RAI1: variants seen among roughly 807,000 people sequenced by gnomAD.
RAI1 encodes the protein retinoic acid induced 1.
RAI1 carries 9 observed loss-of-function variants against 123.8 expected under a neutral mutation model. The ratio of observed to expected loss-of-function variants is 0.07; its 90% confidence interval spans 0.04 to 0.13. RAI1 has a LOEUF of 0.13. Among genes scored for constraint, RAI1 ranks in the 10% least tolerant of loss-of-function variants. The pLI, the probability that RAI1 is intolerant of heterozygous loss-of-function variation, is 1.00. For synonymous variants in RAI1, 1,231 were observed against 1,127.3 expected (o/e 1.09, Z -1.84); for missense variants, 2,256 against 2,545.8 (o/e 0.89, Z 2.45).
chr17:17,713,499 GGC>G lies in RAI1; in HGVS notation c.-148-10527_-148-10526del, dbSNP rs1915625954. Reference sequence around the variant, plus strand: ...TACTGAAAATACAAAAATTTAGCTGGGCGTGGTGATACACGCCTGTAGTCCCA... The same window carrying G: ...TACTGAAAATACAAAAATTTAGCTGGGTGGTGATACACGCCTGTAGTCCCA... On this transcript the variant is annotated intron_variant, in intron 1 of 5. Coordinates refer to ENST00000353383, the MANE Select transcript of RAI1 (RefSeq NM_030665.4). Among the ~76,000 whole-genome samples the G allele has an allele frequency of 2.0e-5, 3 of 152,090 alleles. No individual in the cohort carries two copies. The South Asian group carries it at 6.2e-4, about 32-fold the overall frequency.
intron 1 of RAI1, among the ~76,000 whole-genome samples, chr17:17,694,643 A>G (rs1398062526): frequency 6.6e-6 from 1 of 151,378 alleles, no homozygotes; most frequent in Admixed American, 6.6e-5. Context: ...GGCGCCCACC[A>G]TCTTGGCCGC....
chr17:17,699,010 G>A (rs2142882592), intron 1 of RAI1, among the ~76,000 whole-genome samples: 1 of 152,360 alleles, frequency 6.6e-6, no homozygotes, highest in East Asian at 1.9e-4. Context: ...CTTCTCTGAT[G>A]GAGACAGGGA....
At chr17:17,779,099 G>GAGAA (rs2031464502) in intron 2 of RAI1, 1 of 351,888 alleles carries the variant, frequency 2.8e-6, no homozygotes, top group Admixed American at 3.8e-5. Flanking sequence ...TCCAAAGAGA[G>GAGAA]AGAAATCAGC....
At chr17:17,743,699 T>C (rs1353425826) in intron 2 of RAI1, among the ~76,000 whole-genome samples, 1 of 152,272 alleles carries the variant, frequency 6.6e-6, no homozygotes, top group Non-Finnish European at 1.5e-5. Flanking sequence ...GCCCAGGATT[T>C]GGCTGGTTGG....
intron 2 of RAI1, among the ~76,000 whole-genome samples, chr17:17,752,585 T>C (rs1035242812): frequency 1.3e-5 from 2 of 152,236 alleles, no homozygotes; most frequent in South Asian, 2.1e-4. Flanking sequence ...TTCTTGGCCC[T>C]TGGAGTCTGA....
intron 2 of RAI1, among the ~76,000 whole-genome samples, chr17:17,725,572 A>G (rs1416391838): frequency 6.6e-6 from 1 of 152,186 alleles, no homozygotes; most frequent in Non-Finnish European, 1.5e-5. Context: ...CCCGGCACGC[A>G]GAAGCCCCCA....
chr17:17,699,633 G>GA (rs1018643537), intron 1 of RAI1, among the ~76,000 whole-genome samples: 12 of 150,554 alleles, frequency 8.0e-5, no homozygotes, highest in African/African-American at 9.8e-5. Context: ...GGGGGCCGGG[G>GA]GGGGGGGAAT....
At chr17:17,807,045 T>A (rs2032607796) in intron 4 of RAI1, among the ~76,000 whole-genome samples, 2 of 151,954 alleles carry the variant, frequency 1.3e-5, no homozygotes, top group African/African-American at 4.8e-5. Flanking sequence ...AGGCGAGGGC[T>A]CATCAGAGCC....
intron 2 of RAI1, among the ~76,000 whole-genome samples, chr17:17,738,763 G>A (rs1916522194): frequency 6.6e-6 from 1 of 152,212 alleles, no homozygotes; most frequent in Admixed American, 6.5e-5. Context: ...GGGCCAGAGA[G>A]TCTACTTGTG....
intron 2 of RAI1, among the ~76,000 whole-genome samples, chr17:17,789,269 G>A (rs192653215): frequency 1.3e-5 from 2 of 152,354 alleles, no homozygotes; most frequent in East Asian, 3.9e-4. Context: ...GTCCTAAGCA[G>A]GGCACTTGTC....
At chr17:17,748,648 A>G (rs1422241670) in intron 2 of RAI1, among the ~76,000 whole-genome samples, 1 of 152,212 alleles carries the variant, frequency 6.6e-6, no homozygotes, top group African/African-American at 2.4e-5. Context: ...AAATGATGAT[A>G]GAAAAGGTGT....
chr17:17,718,761 A>T (rs1297586526), intron 1 of RAI1, among the ~76,000 whole-genome samples: 3 of 151,912 alleles, frequency 2.0e-5, no homozygotes, highest in Non-Finnish European at 4.4e-5. Context: ...GGGGTAGATG[A>T]CCCCCTGCTG....
rs151001882 is a variant in RAI1 at position 17,808,386 on chromosome 17, ATTATTTTATT to A, written c.5660-983_5660-974del. Among the ~76,000 whole-genome samples the A allele has an allele frequency of 7.4e-3, 957 of 130,108 alleles. 25 individuals are homozygous for A. The highest frequency in any genetic ancestry group is 0.03 in the African/African-American group (896 of 30,088). The allele number at this position is 130,108 out of a possible 152,430, so 85.4% of individuals were successfully genotyped here. On this transcript the variant is annotated intron_variant, in intron 4 of 5. Transcript: ENST00000353383. ...TTTATTTTATTTTATATTTTATTTT[ATTATTTTATT>A]TTATTTTATTTTATTTTATTATTTT... is the stretch of plus-strand genomic sequence containing the variant.
Position 17,809,898 on chromosome 17 carries a change from A to T in RAI1, c.5710-72A>T. The T allele has an allele frequency of 6.5e-7, 1 of 1,547,932 alleles. No individual in the cohort carries two copies. The highest frequency in any genetic ancestry group is 1.4e-5 in the African/African-American group (1 of 73,048). On this transcript the variant is annotated intron_variant, in intron 5 of 5. Transcript: ENST00000353383. This position sits in a 1 kb window ranked among gnomAD's most constrained non-coding sequence, Gnocchi z 4.9. Reference sequence around the variant, plus strand: ...GGTCTGGGGCTTAGGCGGGGGGCCCACACTGGGGGCGGGGCCTATGGACTG... The same window carrying T: ...GGTCTGGGGCTTAGGCGGGGGGCCCTCACTGGGGGCGGGGCCTATGGACTG...
At chr17:17,689,803 C>T (rs1330627579) in intron 1 of RAI1, among the ~76,000 whole-genome samples, 1 of 152,156 alleles carries the variant, frequency 6.6e-6, no homozygotes, top group East Asian at 1.9e-4. Flanking sequence ...ATAGAAAGTG[C>T]CAGAGCATGG....
intron 1 of RAI1, among the ~76,000 whole-genome samples, chr17:17,721,435 C>T (rs950310827): frequency 1.3e-5 from 2 of 152,102 alleles, no homozygotes; most frequent in African/African-American, 4.8e-5. Context: ...AACAGCATTC[C>T]AGGCAGATGG....
rs897018472 is a variant in RAI1 at position 17,793,611 on chromosome 17, C to T, written c.663C>T (p.Thr221=). Residue 221 remains threonine, a synonymous_variant, in exon 3 of 6, where the codon ACC becomes ACT. Coordinates refer to ENST00000353383, the MANE Select transcript of RAI1 (RefSeq NM_030665.4). ...QHSQSFPTSS[T]YSSSVQGGGQ... is the part of the protein sequence containing the mutation. ...CCCAGTCCTTCCCCACCTCCTCCAC[C>T]TACTCCTCCTCTGTCCAGGGTGGTG... 8 of 1,613,382 alleles carry T rather than the reference C, an allele frequency of 5.0e-6. No individual in the cohort carries two copies. Among genetic ancestry groups the T allele is most frequent in the Non-Finnish European group, 5.9e-6 (7 of 1,179,992 alleles).
intron 1 of RAI1, among the ~76,000 whole-genome samples, chr17:17,700,764 G>A (rs1025902209): frequency 4.6e-5 from 7 of 152,098 alleles, no homozygotes; most frequent in African/African-American, 1.7e-4. Flanking sequence ...CCCTGCCTCG[G>A]CGGAGATCCG....
At chr17:17,750,689 C>CAA (rs57637022) in intron 2 of RAI1, among the ~76,000 whole-genome samples, 1,717 of 79,468 alleles carry the variant, frequency 0.022, 72 homozygotes, top group African/African-American at 0.079. Flanking sequence ...TACTCCGTCT[C>CAA]AAAAAAAAAA....
Sources: allele counts gnomAD v4.1 joint callset (sites outside exome capture counted in the v4.1 genomes callset), GRCh38; gene constraint gnomAD v4.1.1; non-coding constraint Gnocchi (gnomAD v3.1); transcripts MANE v1.5; gene names NCBI Gene and HGNC (gene_info 2026-07-23, HGNC 2026-07-21).